Variants in HMGA2 observed in about 807,000 individuals in gnomAD.
HMGA2 encodes high mobility group AT-hook 2.
A neutral mutation model predicts 19.1 loss-of-function variants in HMGA2; 8 were observed. The observed-to-expected ratio is 0.42, with a 90% CI of 0.25 to 0.76. The LOEUF (loss-of-function observed/expected upper bound fraction) is 0.76. Ranked by LOEUF, HMGA2 falls within the 30% of genes least tolerant of loss-of-function variation. The pLI, the probability that HMGA2 is intolerant of heterozygous loss-of-function variation, is 0.28. For synonymous variants in HMGA2, 60 were observed against 48.8 expected, an observed-to-expected ratio of 1.23 and a Z score of -0.96; for missense variants, 109 against 136.3, an observed-to-expected ratio of 0.80 and a Z score of 1.00.
Position 65,825,729 on chromosome 12 carries a change from G to C in HMGA2, c.111+348G>C, listed in dbSNP as rs1465329159. ...ACCGGGATCCGACAAACCCGGGCTCGCAGGCGCTTTCCGAGTTGCTTTTGC... is the reference window on the plus strand; with the variant it reads ...ACCGGGATCCGACAAACCCGGGCTCCCAGGCGCTTTCCGAGTTGCTTTTGC... On this transcript the variant is annotated intron_variant, in intron 1 of 4. Coordinates refer to ENST00000403681, the MANE Select transcript of HMGA2 (RefSeq NM_003483.6). This position sits in a 1 kb window ranked among gnomAD's most constrained non-coding sequence, Gnocchi z 4.4. Among the ~76,000 whole-genome samples the C allele has an allele frequency of 6.6e-6, 1 of 152,180 alleles. No individual in the cohort carries two copies. Among genetic ancestry groups the C allele is most frequent in the Non-Finnish European group, 1.5e-5 (1 of 68,024 alleles).
At chr12:65,836,284 G>T (rs1215712700) in intron 2 of HMGA2, among the ~76,000 whole-genome samples, 1 of 152,094 alleles carries the variant, frequency 6.6e-6, no homozygotes, top group South Asian at 2.1e-4. Flanking sequence ...GAGTGAACCC[G>T]GGAGGCGCAG....
chr12:65,889,938 CTG>C (rs1276501319), intron 3 of HMGA2, among the ~76,000 whole-genome samples: 1 of 152,186 alleles, frequency 6.6e-6, no homozygotes, highest in Non-Finnish European at 1.5e-5. Flanking sequence ...AAAAATTCTT[CTG>C]TCTTATTCCC....
Position 65,825,292 on chromosome 12 carries a change from GCGGGGC to G in HMGA2, c.23_28del (p.Ala8_Gln10delinsGlu). The G allele has an allele frequency of 6.5e-7, 1 of 1,533,064 alleles. No individual in the cohort carries two copies. The highest frequency in any genetic ancestry group is 1.2e-5 in the South Asian group (1 of 83,292). The allele number at this position is 1,533,064 out of a possible 1,614,324, so 95.0% of individuals were successfully genotyped here. ...CAGGATGAGCGCACGCGGTGAGGGCGCGGGGCAGCCGTCCACTTCAGCCCAGGGACA... is the reference window on the plus strand; with the variant it reads ...CAGGATGAGCGCACGCGGTGAGGGCGAGCCGTCCACTTCAGCCCAGGGACA... On this transcript the variant is annotated inframe_deletion, in exon 1 of 5. Coordinates refer to ENST00000403681, the MANE Select transcript of HMGA2 (RefSeq NM_003483.6). The surrounding 1 kb of genome is among the most constrained non-coding windows in gnomAD (Gnocchi z 4.4).
At chr12:65,946,506 T>A (rs59806226) in intron 3 of HMGA2, among the ~76,000 whole-genome samples, 3,743 of 152,236 alleles carry the variant, frequency 0.025, 89 homozygotes, top group East Asian at 0.097. Flanking sequence ...AATTTTTTTT[T>A]AAAAATTAAG....
At chr12:65,889,246 TCTC>T (rs904599567) in intron 3 of HMGA2, among the ~76,000 whole-genome samples, 28 of 152,266 alleles carry the variant, frequency 1.8e-4, no homozygotes, top group African/African-American at 6.5e-4. Context: ...CACTGTTTGT[TCTC>T]CTCAAGTCCC....
At chr12:65,945,193 A>G (rs1488514666) in intron 3 of HMGA2, among the ~76,000 whole-genome samples, 1 of 151,986 alleles carries the variant, frequency 6.6e-6, no homozygotes, top group Admixed American at 6.6e-5. Context: ...AGGGTTCCAC[A>G]TAAGATCTAA....
Position 65,951,407 on chromosome 12 carries a change from C to G in HMGA2, c.274C>G (p.Pro92Ala), listed in dbSNP as rs151017786. Residue 92 changes from proline to alanine, a missense_variant, in exon 4 of 5, where the codon CCT (proline) becomes GCT (alanine). By Grantham distance (27) the Pro-to-Ala change is conservative. Coordinates refer to ENST00000403681, the MANE Select transcript of HMGA2 (RefSeq NM_003483.6). The part of the protein sequence containing the change: ...KWPQQVVQKK[P>A]AQEETEETSS... ...GCCACAACAAGTTGTTCAGAAGAAGCCTGCTCAGGTAAGACATAGTCATTA... is the reference window on the plus strand; with the variant it reads ...GCCACAACAAGTTGTTCAGAAGAAGGCTGCTCAGGTAAGACATAGTCATTA... 4.5e-4 allele frequency: 693 copies of G among 1,529,608 alleles called. 1 individual carries two copies. In the African/African-American group the frequency reaches 7.1e-3, roughly 16 times the overall value. 94.8% of individuals were successfully genotyped at this position (1,529,608 alleles called of 1,614,324 possible). A position where few individuals can be genotyped will look rare whatever the true frequency, so the allele number is the denominator to read the frequency against.
In HMGA2 at chr12:65,952,820, G is replaced by T. The variant is rs575221199; in HGVS notation, c.282+1405G>T. The T allele has an allele frequency of 4.7e-5, 8 of 168,678 alleles. No individual in the cohort carries two copies. The South Asian group carries it at 1.1e-3, about 23-fold the overall frequency. The allele number at this position is 168,678 out of a possible 1,614,324, so 10.4% of individuals were successfully genotyped here. A position where few individuals can be genotyped will look rare whatever the true frequency, so the allele number is the denominator to read the frequency against. ...GAACTATAGATTAATCACTTTATGTGGTTTGTTAATATTGATTCAGCCCTT... is the reference window on the plus strand; with the variant it reads ...GAACTATAGATTAATCACTTTATGTTGTTTGTTAATATTGATTCAGCCCTT... On this transcript the variant is annotated intron_variant, in intron 4 of 4. Coordinates refer to ENST00000403681, the MANE Select transcript of HMGA2 (RefSeq NM_003483.6).
intron 3 of HMGA2, among the ~76,000 whole-genome samples, chr12:65,923,629 G>T (rs1283943911): frequency 3.3e-5 from 5 of 152,180 alleles, no homozygotes; most frequent in African/African-American, 1.2e-4. Context: ...GAAGAGTATG[G>T]TAGGACAGCA....
At chr12:65,945,962 A>G (rs774242780) in intron 3 of HMGA2, among the ~76,000 whole-genome samples, 1 of 152,206 alleles carries the variant, frequency 6.6e-6, no homozygotes, top group Admixed American at 6.5e-5. Flanking sequence ...GCTGGCTTAC[A>G]TCTAAAGGAC....
chr12:65,958,408 G>A (rs1013719722), intron 4 of HMGA2: 6 of 152,136 alleles, frequency 3.9e-5, no homozygotes, highest in African/African-American at 1.2e-4. Flanking sequence ...CATTTAACAT[G>A]TTTTTTAAAA....
At chr12:65,891,424 ACACT>A (rs1326033245) in intron 3 of HMGA2, among the ~76,000 whole-genome samples, 2 of 152,156 alleles carry the variant, frequency 1.3e-5, no homozygotes, top group Admixed American at 1.3e-4. Flanking sequence ...TTTCCTCCAC[ACACT>A]CTCCCAGTTC....
intron 3 of HMGA2, among the ~76,000 whole-genome samples, chr12:65,894,130 A>G (rs1430286421): frequency 6.6e-6 from 1 of 152,172 alleles, no homozygotes; most frequent in Non-Finnish European, 1.5e-5. Flanking sequence ...TGGTGTTTGT[A>G]TGATATTCAC....
chr12:65,935,675 A>C (rs369136922), intron 3 of HMGA2, among the ~76,000 whole-genome samples: 8 of 152,218 alleles, frequency 5.3e-5, no homozygotes, highest in Middle Eastern at 6.3e-3. Context: ...TTTGCTTTTA[A>C]TGAAATTCTA....
At chr12:65,860,079 A>C in intron 3 of HMGA2, 1 of 447,552 alleles carries the variant, frequency 2.2e-6, no homozygotes, top group Non-Finnish European at 4.5e-6. Flanking sequence ...GCAACAGAGC[A>C]AGACTCTGTC....
At chr12:65,935,287 T>A (rs2121278041) in intron 3 of HMGA2, among the ~76,000 whole-genome samples, 1 of 152,334 alleles carries the variant, frequency 6.6e-6, no homozygotes, top group Non-Finnish European at 1.5e-5. Context: ...AGCACCATTA[T>A]AACTTGTTAA....
At chr12:65,853,828 A>G (rs918749059) in intron 3 of HMGA2, among the ~76,000 whole-genome samples, 3 of 152,192 alleles carry the variant, frequency 2.0e-5, no homozygotes, top group Non-Finnish European at 4.4e-5. Context: ...AAATAGAAAT[A>G]TCCAAATTTG....
At position 65,963,728 on chromosome 12, in the gene HMGA2, G is replaced by A. The variant is rs1207730238; in HGVS notation, c.*436G>A. 5 of 359,122 alleles carry A rather than the reference G, an allele frequency of 1.4e-5. No homozygotes were observed. The highest frequency in any genetic ancestry group is 1.0e-5 in the Non-Finnish European group (2 of 193,310). 22.2% of individuals were successfully genotyped at this position (359,122 alleles called of 1,614,324 possible). ...CGTCGGGCATTCATATAGGAAGAAC[G>A]CGGTGTGTAACACTGTGTACACCTC... On this transcript the variant is annotated 3_prime_UTR_variant, in exon 5 of 5. Coordinates refer to ENST00000403681, the MANE Select transcript of HMGA2 (RefSeq NM_003483.6).
chr12:65,848,747 T>G (rs1357539688), intron 3 of HMGA2, among the ~76,000 whole-genome samples: 1 of 151,966 alleles, frequency 6.6e-6, no homozygotes, highest in Non-Finnish European at 1.5e-5. Flanking sequence ...TCCCAGCTAC[T>G]CGGGAGGCTG....
Sources: allele counts gnomAD v4.1 joint callset (sites outside exome capture counted in the v4.1 genomes callset), GRCh38; gene constraint gnomAD v4.1.1; non-coding constraint Gnocchi (gnomAD v3.1); transcripts MANE v1.5; gene names NCBI Gene and HGNC (gene_info 2026-07-23, HGNC 2026-07-21).